The following GAK variants were observed in gnomAD, a reference collection of about 807,000 sequenced individuals.
GAK encodes the protein cyclin G associated kinase.
GAK carries 79 observed loss-of-function variants against 143.9 expected under a neutral mutation model. That is an observed-to-expected ratio of 0.55 (90% CI 0.46 to 0.66). GAK has a LOEUF of 0.66. Ranked by LOEUF, GAK falls within the 30% of genes least tolerant of loss-of-function variation. GAK has a pLI of 0.00. For missense variants in GAK, 1,693 were observed against 1,779.7 expected (o/e 0.95, Z 0.88); for synonymous variants, 881 against 765.5 (o/e 1.15, Z -2.49).
chr4:921,500 C>A, intron 1 of GAK, among the ~76,000 whole-genome samples: 1 of 152,118 alleles, frequency 6.6e-6, no homozygotes, highest in Non-Finnish European at 1.5e-5. Context: ...CAGTAATTCA[C>A]CAAAATAAAC....
intron 23 of GAK, among the ~76,000 whole-genome samples, chr4:861,519 A>G (rs545283930): frequency 1.2e-3 from 176 of 152,298 alleles, no homozygotes; most frequent in Non-Finnish European, 1.5e-3. Context: ...TGAGCTCAGG[A>G]GGTTGAGGCT....
At chr4:889,251 A>G (rs2279180) in intron 10 of GAK, among the ~76,000 whole-genome samples, 7,211 of 152,258 alleles carry the variant, frequency 0.047, 202 homozygotes, top group South Asian at 0.1. Context: ...GAAATGGTCA[A>G]TCTGGGTGCG....
rs967216803 is a variant in GAK at position 895,174 on chromosome 4, T to C, written c.742-1165A>G. ...CCCACTTTTCAGAACTGACCCCATATGCAGGGTGTAGGGCACAGGGCAGAA... is the reference window on the plus strand; with the variant it reads ...CCCACTTTTCAGAACTGACCCCATACGCAGGGTGTAGGGCACAGGGCAGAA... On this transcript the variant is annotated intron_variant, in intron 7 of 27. Transcript: ENST00000314167. 2.6e-5 allele frequency among the ~76,000 whole-genome samples: 4 copies of C among 152,302 alleles called. No individual in the cohort carries two copies. In the South Asian group the frequency reaches 8.3e-4, roughly 32 times the overall value.
intron 25 of GAK, 52 bp downstream of exon 25, chr4:851,698 A>C: frequency 6.4e-7 from 1 of 1,556,878 alleles, no homozygotes; most frequent in Non-Finnish European, 8.8e-7. Flanking sequence ...ACCTTTAGCC[A>C]ATTCAGGGAG....
At chr4:905,540 C>T (rs1037921878) in intron 4 of GAK, among the ~76,000 whole-genome samples, 3 of 149,020 alleles carry the variant, frequency 2.0e-5, no homozygotes, top group Non-Finnish European at 3.0e-5. Flanking sequence ...TGCCACGCTA[C>T]GGACTCCGCC....
At chr4:890,211 C>T (rs1426070933) in intron 10 of GAK, among the ~76,000 whole-genome samples, 1 of 152,216 alleles carries the variant, frequency 6.6e-6, no homozygotes, top group Non-Finnish European at 1.5e-5. Context: ...CTGCCTCCCA[C>T]ATAACCCCTG....
At chr4:872,859 G>C (rs1300053309) in intron 18 of GAK, 2 of 155,940 alleles carry the variant, frequency 1.3e-5, no homozygotes, top group African/African-American at 4.8e-5. Flanking sequence ...CAACAGGGCA[G>C]AGCGGACTCC....
intron 1 of GAK, among the ~76,000 whole-genome samples, chr4:924,556 A>G (rs548432674): frequency 6.6e-6 from 1 of 152,004 alleles, no homozygotes; most frequent in East Asian, 1.9e-4. Context: ...ATCTTTATTC[A>G]TAACAGCGGA....
intron 15 of GAK, among the ~76,000 whole-genome samples, chr4:880,277 C>T (rs1444175482): frequency 6.6e-6 from 1 of 151,070 alleles, no homozygotes; most frequent in Non-Finnish European, 1.5e-5. Context: ...GATCACTGGA[C>T]CACGCACCCT....
chr4:888,727 C>A, intron 11 of GAK, 120 bp downstream of exon 11: 2 of 1,269,358 alleles, frequency 1.6e-6, no homozygotes, highest in Non-Finnish European at 2.2e-6. Flanking sequence ...GTCCCACTGC[C>A]TCAGGGGCCC....
intron 4 of GAK, among the ~76,000 whole-genome samples, chr4:905,461 G>A (rs538039215): frequency 4.4e-5 from 6 of 137,782 alleles, no homozygotes; most frequent in South Asian, 4.6e-4. Flanking sequence ...TAGGGGCTCC[G>A]CCACGCCCCA....
At position 876,952 on chromosome 4, in the gene GAK, G is replaced by A. The variant is rs1479365709; in HGVS notation, c.1974+138C>T. 23 of 636,406 alleles carry A rather than the reference G, an allele frequency of 3.6e-5. No homozygotes were observed. In the Admixed American group the frequency reaches 4.8e-4, roughly 13 times the overall value. The allele number at this position is 636,406 out of a possible 1,614,324, so 39.4% of individuals were successfully genotyped here. ...AAGCAGGGGGCGCTGTGGGGCAGTC[G>A]CCACATGAGAGCCCACGGCACTCAC... On this transcript the variant is annotated intron_variant, in intron 17 of 27. Coordinates refer to ENST00000314167, the MANE Select transcript of GAK (RefSeq NM_005255.4).
At chr4:852,037 A>G (rs1304814928) in intron 24 of GAK, 63 bp from the exon 25 acceptor site, 7 of 1,335,030 alleles carry the variant, frequency 5.2e-6, no homozygotes, top group Middle Eastern at 3.9e-4. Flanking sequence ...TACTGTTTCT[A>G]TAACGCAGAG....
chr4:873,836 G>C (rs192624408), intron 18 of GAK, among the ~76,000 whole-genome samples: 203 of 152,294 alleles, frequency 1.3e-3, no homozygotes, highest in East Asian at 3.9e-3. Flanking sequence ...GTGTGAGCTT[G>C]GTTTTTAATC....
Position 851,871 on chromosome 4 carries a change from G to C in GAK, c.3387C>G (p.Ala1129=), listed in dbSNP as rs367691274. 11 of 1,609,032 alleles carry C rather than the reference G, an allele frequency of 6.8e-6. No individual in the cohort carries two copies. The highest frequency in any genetic ancestry group is 2.7e-5 in the African/African-American group (2 of 74,808). The change falls in exon 25 of 28, where the codon GCC becomes GCG. Residue 1129 remains alanine, a synonymous_variant. Coordinates refer to ENST00000314167, the MANE Select transcript of GAK (RefSeq NM_005255.4). ...GCGGCTTGGCCTGAGGGGGCCATGA[G>C]GCGCCCTGGGCTGGCGGCCGACTTG... is the stretch of plus-strand genomic sequence containing the variant. The part of the protein sequence containing the change: ...WQTSRPPAQG[A]SWPPQAKPPP...
chr4:883,429 C>G lies in GAK; in HGVS notation c.1290G>C (p.Ala430=), dbSNP rs754623922. The G allele has an allele frequency of 6.2e-7, 1 of 1,613,630 alleles. No individual in the cohort carries two copies. The highest frequency in any genetic ancestry group is 2.2e-5 in the East Asian group (1 of 44,876). The change falls in exon 13 of 28, where the codon GCG becomes GCC. Residue 430 remains alanine (A), a synonymous_variant. Transcript: ENST00000314167. ...GCACATCTTCGATGTTGTTTTTGAG[C>G]GCTGACTCCACACCTTCTGCTGGGA... ...MSFPAEGVES[A]LKNNIEDVRL... is the part of the protein sequence containing the mutation.
Position 849,512 on chromosome 4 carries a change from C to T in GAK, c.*161G>A, listed in dbSNP as rs981867426. 11 of 603,616 alleles carry T rather than the reference C, an allele frequency of 1.8e-5. No homozygotes were observed. The highest frequency in any genetic ancestry group is 3.0e-5 in the Non-Finnish European group (10 of 331,084). The allele number at this position is 603,616 out of a possible 1,614,324, so 37.4% of individuals were successfully genotyped here. A position where few individuals can be genotyped will look rare whatever the true frequency, so the allele number is the denominator to read the frequency against. On this transcript the variant is annotated 3_prime_UTR_variant, in exon 28 of 28. Transcript: ENST00000314167. ...ACAATCAGAGGCTTTGGAATGCTTT[C>T]TCTTCATGTGCCTGGAACGCTGGGC...
intron 24 of GAK, among the ~76,000 whole-genome samples, chr4:858,839 G>C (rs766027046): frequency 6.6e-6 from 1 of 152,176 alleles, no homozygotes; most frequent in Non-Finnish European, 1.5e-5. Context: ...ATGAGGAGAC[G>C]GGAAATGCTC....
intron 20 of GAK, 27 bp from the exon 21 acceptor site, chr4:867,459 C>A (rs369247705): frequency 2.0e-6 from 3 of 1,490,092 alleles, no homozygotes; most frequent in South Asian, 1.4e-5. Flanking sequence ...AAACCACAGG[C>A]TAGTGAGACC....
Sources: gnomAD v4.1 joint callset for allele counts (sites outside exome capture counted in the v4.1 genomes callset) on GRCh38, gnomAD v4.1.1 for gene constraint, MANE v1.5 for transcripts, NCBI Gene and HGNC (gene_info 2026-07-23, HGNC 2026-07-21) for gene names.